Variants in THSD7B observed in about 807,000 individuals in gnomAD.
THSD7B encodes the protein thrombospondin type 1 domain containing 7B, also known as thrombospondin type-1 domain-containing protein 7B.
Under a neutral mutation model 213.6 loss-of-function variants are expected in THSD7B, and 138 were observed. That is an observed-to-expected ratio of 0.65 (90% CI 0.56 to 0.74). The LOEUF (loss-of-function observed/expected upper bound fraction) is 0.74, where lower values mean the gene tolerates loss of function less well. Ranked by LOEUF, THSD7B falls within the 30% of genes least tolerant of loss-of-function variation. THSD7B has a pLI of 0.00. For missense variants in THSD7B, 1,931 were observed against 1,991.5 expected (o/e 0.97, Z 0.58); for synonymous variants, 742 against 687.0 (o/e 1.08, Z -1.25).
rs796273497 is a variant in THSD7B at position 136,912,323 on chromosome 2, A to G, written c.139+30006A>G. Among the ~76,000 whole-genome samples the G allele has an allele frequency of 5.0e-3, 677 of 134,430 alleles. 2 individuals are homozygous for G. The highest frequency in any genetic ancestry group is 0.018 in the African/African-American group (632 of 35,988). The allele number at this position is 134,430 out of a possible 152,430, so 88.2% of individuals were successfully genotyped here. On this transcript the variant is annotated intron_variant, in intron 2 of 27. Transcript: ENST00000409968. ...GGTGACAGAGCGAGACTCCATCTCA[A>G]AAAAAAAAAAAAAAAAAAAAAAAAA...
At chr2:137,636,809 C>T (rs1682841316) in intron 20 of THSD7B, among the ~76,000 whole-genome samples, 1 of 152,140 alleles carries the variant, frequency 6.6e-6, no homozygotes, top group East Asian at 1.9e-4. Context: ...TTTTAATGCC[C>T]ATTCCAGGCC....
intron 15 of THSD7B, among the ~76,000 whole-genome samples, chr2:137,475,779 T>A (rs1688178935): frequency 6.6e-6 from 1 of 152,198 alleles, no homozygotes; most frequent in East Asian, 1.9e-4. Flanking sequence ...GCAATAAACA[T>A]GGGGGTGCCA....
intron 21 of THSD7B, among the ~76,000 whole-genome samples, chr2:137,647,454 G>A (rs916773356): frequency 4.4e-4 from 11 of 25,140 alleles, no homozygotes; most frequent in East Asian, 1.7e-3. Flanking sequence ...CAACCCCCCC[G>A]CCCCCACTCT....
At chr2:136,982,658 C>A (rs183456524) in intron 2 of THSD7B, among the ~76,000 whole-genome samples, 370 of 152,114 alleles carry the variant, frequency 2.4e-3, no homozygotes, top group African/African-American at 8.7e-3. Flanking sequence ...CACACACACA[C>A]AAAAAATCCT....
intron 24 of THSD7B, 91 bp downstream of exon 24, chr2:137,657,251 GGGGTGA>G: frequency 8.3e-7 from 1 of 1,199,930 alleles, no homozygotes. Context: ...TTATAAACAA[GGGGTGA>G]CTTGGGCAGG....
chr2:136,779,558 A>T (rs369318378), intron 1 of THSD7B, among the ~76,000 whole-genome samples: 5 of 152,208 alleles, frequency 3.3e-5, no homozygotes, highest in Non-Finnish European at 5.9e-5. Context: ...TGTTTCTTAA[A>T]TGAATCATAT....
At chr2:137,349,972 T>C (rs1047688052) in intron 12 of THSD7B, among the ~76,000 whole-genome samples, 2 of 151,804 alleles carry the variant, frequency 1.3e-5, no homozygotes, top group Non-Finnish European at 2.9e-5. Context: ...AACACACAGT[T>C]TGGGGCCAGA....
At chr2:137,304,506 A>G (rs957689422) in intron 12 of THSD7B, among the ~76,000 whole-genome samples, 8 of 152,274 alleles carry the variant, frequency 5.3e-5, no homozygotes, top group African/African-American at 1.9e-4. Flanking sequence ...TATTAGTGAA[A>G]AAAGACTTTT....
At chr2:136,864,159 C>T (rs528202738) in intron 1 of THSD7B, among the ~76,000 whole-genome samples, 1 of 152,296 alleles carries the variant, frequency 6.6e-6, no homozygotes, top group South Asian at 2.1e-4. Context: ...TTGCCAAAAT[C>T]CACACAGTTC....
At chr2:137,152,521 A>G (rs544535528) in intron 5 of THSD7B, among the ~76,000 whole-genome samples, 19 of 152,312 alleles carry the variant, frequency 1.2e-4, no homozygotes, top group African/African-American at 3.6e-4. Context: ...CAGTTATCTC[A>G]TCTGTAAAAA....
chr2:136,773,345 C>T (rs1014677494), intron 1 of THSD7B, among the ~76,000 whole-genome samples: 16 of 151,936 alleles, frequency 1.1e-4, no homozygotes, highest in Admixed American at 3.9e-4. Context: ...TGCGCCAAGT[C>T]GGGAGGTGCA....
At chr2:136,799,007 C>T (rs1034721529) in intron 1 of THSD7B, among the ~76,000 whole-genome samples, 1 of 151,990 alleles carries the variant, frequency 6.6e-6, no homozygotes, top group African/African-American at 2.4e-5. Flanking sequence ...AAAGTGAATC[C>T]ATAGATTTTC....
intron 21 of THSD7B, among the ~76,000 whole-genome samples, chr2:137,643,292 A>G (rs1682972282): frequency 6.6e-6 from 1 of 152,136 alleles, no homozygotes; most frequent in Admixed American, 6.5e-5. Context: ...TTCTTATCCT[A>G]GTAGTTTATC....
intron 14 of THSD7B, among the ~76,000 whole-genome samples, chr2:137,414,792 A>G (rs1686756926): frequency 6.6e-6 from 1 of 152,142 alleles, no homozygotes; most frequent in Admixed American, 6.5e-5. Context: ...GCAGTGGCTC[A>G]TGCCTGTAAT....
chr2:137,579,323 T>A (rs1266330343), intron 17 of THSD7B, among the ~76,000 whole-genome samples: 2 of 152,146 alleles, frequency 1.3e-5, no homozygotes, highest in African/African-American at 4.8e-5. Context: ...ACTGAGACAT[T>A]GGTTTTTTCC....
chr2:137,187,020 G>A (rs918941251), intron 7 of THSD7B, among the ~76,000 whole-genome samples: 1 of 148,398 alleles, frequency 6.7e-6, no homozygotes, highest in African/African-American at 2.6e-5. Flanking sequence ...AAAATATCTA[G>A]TGCCTTTAAA....
chr2:137,010,785 C>T (rs573159238), intron 2 of THSD7B, among the ~76,000 whole-genome samples: 4 of 152,302 alleles, frequency 2.6e-5, no homozygotes, highest in Admixed American at 2.6e-4. Context: ...GACAAAGTTC[C>T]TGCCCTCATG....
At chr2:137,514,576 T>C (rs1385106457) in intron 15 of THSD7B, among the ~76,000 whole-genome samples, 2 of 152,186 alleles carry the variant, frequency 1.3e-5, no homozygotes, top group Non-Finnish European at 2.9e-5. Context: ...TAGAGAACTC[T>C]GACTAATATA....
intron 1 of THSD7B, among the ~76,000 whole-genome samples, chr2:136,834,803 T>C (rs912797746): frequency 2.0e-5 from 3 of 152,176 alleles, no homozygotes; most frequent in African/African-American, 4.8e-5. Context: ...ATATGGACAA[T>C]TGACCTCTAG....
Sources: allele counts gnomAD v4.1 joint callset (sites outside exome capture counted in the v4.1 genomes callset), GRCh38; gene constraint gnomAD v4.1.1; transcripts MANE v1.5; gene names NCBI Gene and HGNC (gene_info 2026-07-23, HGNC 2026-07-21).